The following TMPRSS13 variants were observed in gnomAD, a reference collection of about 807,000 sequenced individuals.
The protein encoded by TMPRSS13 is transmembrane protease serine 13.
In TMPRSS13, 50 loss-of-function variants were observed where a neutral mutation model predicts 68.4. The observed-to-expected ratio is 0.73, with a 90% CI of 0.58 to 0.93. TMPRSS13 has a LOEUF of 0.93. TMPRSS13 is among the 40% of genes least tolerant of loss of function. The pLI, the probability that TMPRSS13 is intolerant of heterozygous loss-of-function variation, is 0.00. For missense variants in TMPRSS13, 615 were observed against 729.2 expected (o/e 0.84, Z 1.80); for synonymous variants, 267 against 285.8 (o/e 0.93, Z 0.66).
At chr11:117,916,826 G>A (rs893370850) in intron 3 of TMPRSS13, among the ~76,000 whole-genome samples, 4 of 152,144 alleles carry the variant, frequency 2.6e-5, no homozygotes, top group Non-Finnish European at 5.9e-5. Flanking sequence ...AGAACTTACG[G>A]GACACATAGT....
In TMPRSS13 at chr11:117,925,157, G is replaced by C. The variant is rs569549600; in HGVS notation, c.21+4130C>G. ...CCTTGCAGACCAGCTGGTGGGGACT[G>C]TGGTGGGCTCTGAGCCCTTACCCCA... On this transcript the variant is annotated intron_variant, in intron 1 of 12. Transcript: ENST00000524993. Among the ~76,000 whole-genome samples the C allele has an allele frequency of 5.3e-5, 8 of 152,352 alleles. No homozygotes were observed. In the East Asian group the frequency reaches 1.3e-3, roughly 26 times the overall value.
In TMPRSS13 at chr11:117,902,072, G is replaced by GCACACA. The variant is rs3839950; in HGVS notation, c.*161_*166dup. The GCACACA allele has an allele frequency of 1.3e-3, 815 of 647,268 alleles. 3 individuals carry two copies. Among genetic ancestry groups the GCACACA allele is most frequent in the African/African-American group, 0.012 (668 of 54,004 alleles). 40.1% of individuals were successfully genotyped at this position (647,268 alleles called of 1,614,324 possible). On this transcript the variant is annotated 3_prime_UTR_variant, in exon 13 of 13. Transcript: ENST00000524993. ...TGGGAGAGTGGCAATGCACACATATGCACACACACACACACACACACACAC... is the reference window on the plus strand; with the variant it reads ...TGGGAGAGTGGCAATGCACACATATGCACACACACACACACACACACACACACACAC...
chr11:117,921,033 G>A (rs2057640808), intron 1 of TMPRSS13, among the ~76,000 whole-genome samples: 1 of 152,152 alleles, frequency 6.6e-6, no homozygotes, highest in Non-Finnish European at 1.5e-5. Context: ...AACAGCCCAC[G>A]AGCACTTTAC....
Position 117,903,542 on chromosome 11 carries a change from G to A in TMPRSS13, c.1677+113C>T, listed in dbSNP as rs142240271. 753 of 1,573,084 alleles carry A rather than the reference G, an allele frequency of 4.8e-4. 1 individual carries two copies. The African/African-American group carries it at 6.7e-3, about 14-fold the overall frequency. ...TTTGACCCTGTCCAGAACACCCCCC[G>A]AATATGGGGACGCTGAGGGGACCTC... On this transcript the variant is annotated intron_variant, in intron 12 of 12. Transcript: ENST00000524993.
intron 10 of TMPRSS13, 149 bp from the exon 11 acceptor site, chr11:117,904,250 G>A (rs1310334026): frequency 2.7e-6 from 3 of 1,113,770 alleles, no homozygotes. Context: ...TCCCACCCAA[G>A]GGAGGCCCTC....
At chr11:117,923,890 G>A (rs1245866080) in intron 1 of TMPRSS13, among the ~76,000 whole-genome samples, 1 of 149,652 alleles carries the variant, frequency 6.7e-6, no homozygotes, top group African/African-American at 2.5e-5. Context: ...TGTCCAGCAG[G>A]GAGCAGTAGC....
chr11:117,924,050 G>C (rs1317896674), intron 1 of TMPRSS13, among the ~76,000 whole-genome samples: 2 of 151,826 alleles, frequency 1.3e-5, no homozygotes, highest in East Asian at 3.9e-4. Flanking sequence ...CAAAGATTCT[G>C]AAAACCCTCT....
At chr11:117,911,667 A>C (rs2057524369) in intron 6 of TMPRSS13, 101 bp downstream of exon 6, 1 of 865,904 alleles carries the variant, frequency 1.2e-6, no homozygotes, top group Admixed American at 2.2e-5. Flanking sequence ...TGGAGGCTGG[A>C]TACTAGAAAA....
At chr11:117,908,806 G>A (rs769577431) in intron 8 of TMPRSS13, 22 bp from the exon 9 acceptor site, 191 of 1,580,904 alleles carry the variant, frequency 1.2e-4, no homozygotes, top group South Asian at 2.1e-4. Flanking sequence ...ACAAAGGAGC[G>A]TGGTCCAGTA....
At position 117,918,701 on chromosome 11, in the gene TMPRSS13, C is replaced by T. The variant is rs748267664; in HGVS notation, c.159G>A (p.Arg53=). ...CTGGAGATGCCTGGGCTGGAGATGC[C>T]CGGCCCGGAGGTGTCCCAGCTGGAG... ...QASPAGTPPG[R]ASPAQASPAG... The change falls in exon 2 of 13, where the codon CGG becomes CGA. Residue 53 remains arginine (R), a synonymous_variant. Coordinates refer to ENST00000524993, the MANE Select transcript of TMPRSS13 (RefSeq NM_001077263.3). The T allele has an allele frequency of 6.2e-7, 1 of 1,603,796 alleles. No homozygotes were observed. The highest frequency in any genetic ancestry group is 8.5e-7 in the Non-Finnish European group (1 of 1,174,938).
At position 117,914,530 on chromosome 11, in the gene TMPRSS13, C is replaced by G; in HGVS notation, c.557-16G>C. On this transcript the variant is annotated splice_polypyrimidine_tract_variant and intron_variant, in intron 3 of 12. Coordinates refer to ENST00000524993, the MANE Select transcript of TMPRSS13 (RefSeq NM_001077263.3). This position sits in a 1 kb window ranked among gnomAD's most constrained non-coding sequence, Gnocchi z 4.2. ...CAGAACTGGACTAGAGAAAAAGAAGCAGACAGCTGGGTCATGGCCAGCCCC... is the reference window on the plus strand; with the variant it reads ...CAGAACTGGACTAGAGAAAAAGAAGGAGACAGCTGGGTCATGGCCAGCCCC... 6.2e-7 allele frequency: 1 copy of G among 1,613,538 alleles called. No individual in the cohort carries two copies. The highest frequency in any genetic ancestry group is 8.5e-7 in the Non-Finnish European group (1 of 1,179,924).
rs754523427 is a variant in TMPRSS13, at chr11:117,915,900, G to A, written c.556+1270C>T. On this transcript the variant is annotated intron_variant, in intron 3 of 12. Transcript: ENST00000524993. The surrounding 1 kb of genome is among the most constrained non-coding windows in gnomAD (Gnocchi z 4.9). Reference sequence around the variant, plus strand: ...CAAGTCACAGCAGGCACCATGCCGAGGCCTTTATGTGCATTATGACAAAGA... The same window carrying A: ...CAAGTCACAGCAGGCACCATGCCGAAGCCTTTATGTGCATTATGACAAAGA... Among the ~76,000 whole-genome samples, 22 of 152,218 alleles carry A rather than the reference G, an allele frequency of 1.4e-4. No homozygotes were observed. The highest frequency in any genetic ancestry group is 3.2e-4 in the Non-Finnish European group (22 of 68,032).
At chr11:117,924,966 T>TG (rs1463111986) in intron 1 of TMPRSS13, among the ~76,000 whole-genome samples, 1 of 151,662 alleles carries the variant, frequency 6.6e-6, no homozygotes, top group Non-Finnish European at 1.5e-5. Flanking sequence ...GCCCTGGGGG[T>TG]GGGGGGCACG....
At chr11:117,919,543 G>A (rs1051081475) in intron 1 of TMPRSS13, among the ~76,000 whole-genome samples, 1 of 152,248 alleles carries the variant, frequency 6.6e-6, no homozygotes, top group Non-Finnish European at 1.5e-5. Flanking sequence ...TGGCACTGTG[G>A]CACCTTCACC....
chr11:117,903,726 C>T lies in TMPRSS13; in HGVS notation c.1606G>A (p.Gly536Ser). The change falls in exon 12 of 13, where the codon GGC (glycine) becomes AGC (serine). Residue 536 changes from glycine to serine, a missense_variant. Coordinates refer to ENST00000524993, the MANE Select transcript of TMPRSS13 (RefSeq NM_001077263.3). ...AGVTSWGTGC[G>S]QRNKPGVYTK... ...TACACACCAGGTTTGTTTCTCTGGCCACAGCCTGTGCCCCAGCTGGTGACA... is the reference window on the plus strand; with the variant it reads ...TACACACCAGGTTTGTTTCTCTGGCTACAGCCTGTGCCCCAGCTGGTGACA... The T allele has an allele frequency of 6.2e-7, 1 of 1,613,712 alleles. No homozygotes were observed. The highest frequency in any genetic ancestry group is 2.2e-5 in the East Asian group (1 of 44,882).
At chr11:117,910,802 C>G in intron 6 of TMPRSS13, 52 bp from the exon 7 acceptor site, 1 of 1,538,012 alleles carries the variant, frequency 6.5e-7, no homozygotes, top group Non-Finnish European at 8.9e-7. Context: ...CTACCTCCTC[C>G]AGGAAGCCTT....
rs1291375878 is a variant in TMPRSS13 at position 117,909,857 on chromosome 11, C to T, written c.1058G>A (p.Gly353Asp). 6.2e-7 allele frequency: 1 copy of T among 1,613,692 alleles called. No individual in the cohort carries two copies. Among genetic ancestry groups the T allele is most frequent in the Admixed American group, 1.7e-5 (1 of 60,012 alleles). ...LHFGTTHICGGTLIDAQWVLT... is the reference protein window; with the variant it reads ...LHFGTTHICGDTLIDAQWVLT... ...CACCCACTGGGCGTCAATGAGCGTG[C>T]CTCCACAGATGTGGGTGGTGCCGAA... Residue 353 changes from glycine to aspartate, a missense_variant, in exon 8 of 13, where the codon GGC becomes GAC. By Grantham distance (94) the Gly-to-Asp change is moderately conservative. Coordinates refer to ENST00000524993, the MANE Select transcript of TMPRSS13 (RefSeq NM_001077263.3).
At position 117,908,649 on chromosome 11, in the gene TMPRSS13, G is replaced by A. The variant is rs376637410; in HGVS notation, c.1245C>T (p.Ile415=). The change falls in exon 9 of 13, where the codon ATC becomes ATT. Residue 415 remains isoleucine (I), a synonymous_variant. Coordinates refer to ENST00000524993, the MANE Select transcript of TMPRSS13 (RefSeq NM_001077263.3). ...NYTDEEDDYD[I]ALMRLSKPLT... ...GGGGCTTGGACAGCCGCATGAGGGC[G>A]ATGTCATAGTCGTCCTCCTCATCGG... 1.3e-5 allele frequency: 20 copies of A among 1,578,366 alleles called. No individual in the cohort carries two copies. The highest frequency in any genetic ancestry group is 3.3e-4 in the Middle Eastern group (2 of 6,014).
chr11:117,902,362 G>C lies in TMPRSS13; in HGVS notation c.1678-97C>G, dbSNP rs908765169. On this transcript the variant is annotated intron_variant, in intron 12 of 12. Transcript: ENST00000524993. The stretch of plus-strand genomic sequence containing the variant: ...GGTTCAGAACCTATAATTTAGCCTC[G>C]CTGTCACCTAGCACTGCCTCTCCAA... 2.2e-5 allele frequency: 29 copies of C among 1,338,348 alleles called. No homozygotes were observed. In the Middle Eastern group the frequency reaches 9.7e-4, roughly 45 times the overall value. 82.9% of individuals were successfully genotyped at this position (1,338,348 alleles called of 1,614,324 possible).
Sources: allele counts gnomAD v4.1 joint callset (sites outside exome capture counted in the v4.1 genomes callset), GRCh38; gene constraint gnomAD v4.1.1; non-coding constraint Gnocchi (gnomAD v3.1); transcripts MANE v1.5; gene names NCBI Gene and HGNC (gene_info 2026-07-23, HGNC 2026-07-21).